CSNK2A1: variants seen among roughly 807,000 people sequenced by gnomAD.
CSNK2A1 encodes casein kinase 2 alpha 1.
A neutral mutation model predicts 62.9 loss-of-function variants in CSNK2A1; 10 were observed. The observed-to-expected ratio is 0.16, with a 90% confidence interval of 0.10 to 0.27. The LOEUF (loss-of-function observed/expected upper bound fraction) is 0.27, where lower values mean the gene tolerates loss of function less well. Among genes scored for constraint, CSNK2A1 ranks in the 10% least tolerant of loss-of-function variants. CSNK2A1 has a pLI of 1.00. For synonymous variants in CSNK2A1, 124 were observed against 167.8 expected, an observed-to-expected ratio of 0.74 and a Z score of 2.02; for missense variants, 160 against 492.0, an observed-to-expected ratio of 0.33 and a Z score of 6.38.
chr20:488,462 C>G (rs767113540), intron 11 of CSNK2A1: 13 of 475,454 alleles, frequency 2.7e-5, no homozygotes, highest in Admixed American at 1.6e-4. Context: ...CTAGCTATAA[C>G]CCCTCCATCA....
At position 478,715 on chromosome 20, in the gene CSNK2A1, C is replaced by G; in HGVS notation, c.*5246G>C. On this transcript the variant is annotated 3_prime_UTR_variant, in exon 14 of 14. Coordinates refer to ENST00000217244, the MANE Select transcript of CSNK2A1 (RefSeq NM_177559.3). ...AGGCCAAGGCGGGTAGACTGTTGAG[C>G]TCAGGAGTTCAAGACCAGCCTGGGC... 2.7e-6 allele frequency: 1 copy of G among 366,114 alleles called. No individual in the cohort carries two copies. The highest frequency in any genetic ancestry group is 5.3e-6 in the Non-Finnish European group (1 of 188,294). The allele number at this position is 366,114 out of a possible 1,614,324, so 22.7% of individuals were successfully genotyped here.
chr20:535,697 G>T (rs191882214), intron 1 of CSNK2A1, among the ~76,000 whole-genome samples: 2 of 143,972 alleles, frequency 1.4e-5, no homozygotes, highest in Non-Finnish European at 3.0e-5. Flanking sequence ...CAGAGATTGC[G>T]CCACTGCACT....
intron 8 of CSNK2A1, chr20:494,033 T>A (rs1428681320): frequency 6.6e-6 from 1 of 150,484 alleles, no homozygotes; most frequent in East Asian, 1.9e-4. Context: ...CATTTTTTTT[T>A]TTTTTTTTTT....
chr20:520,152 T>C (rs1043035832), intron 2 of CSNK2A1, among the ~76,000 whole-genome samples: 5 of 152,100 alleles, frequency 3.3e-5, no homozygotes, highest in African/African-American at 7.2e-5. Flanking sequence ...GGGAAGAAAG[T>C]TGAATTGGAA....
chr20:524,079 T>TA (rs1020762654), intron 2 of CSNK2A1, among the ~76,000 whole-genome samples: 7 of 150,936 alleles, frequency 4.6e-5, no homozygotes, highest in Admixed American at 6.6e-5. Flanking sequence ...TGTATTAATT[T>TA]AAAAAAAAAT....
At chr20:489,727 G>C (rs2122512661) in intron 10 of CSNK2A1, 53 bp downstream of exon 10, 1 of 1,435,684 alleles carries the variant, frequency 7.0e-7, no homozygotes, top group Middle Eastern at 1.8e-4. Flanking sequence ...AGGCAGTGCT[G>C]GCTATCATTG....
intron 1 of CSNK2A1, among the ~76,000 whole-genome samples, chr20:537,491 C>T (rs912246453): frequency 1.3e-5 from 2 of 148,524 alleles, no homozygotes; most frequent in Non-Finnish European, 3.0e-5. Flanking sequence ...TTGACTTCTA[C>T]ATGTGAAAAA....
At chr20:531,889 T>C (rs2019220403) in intron 1 of CSNK2A1, among the ~76,000 whole-genome samples, 1 of 152,156 alleles carries the variant, frequency 6.6e-6, no homozygotes, top group African/African-American at 2.4e-5. Context: ...AAAAGGGAAC[T>C]TTACTTCTGC....
intron 8 of CSNK2A1, among the ~76,000 whole-genome samples, chr20:493,107 G>A (rs1208425981): frequency 6.6e-6 from 1 of 152,108 alleles, no homozygotes; most frequent in Non-Finnish European, 1.5e-5. Context: ...ATTACTCCCT[G>A]CAAAAGCACC....
intron 13 of CSNK2A1, among the ~76,000 whole-genome samples, chr20:485,135 TA>T (rs2018068440): frequency 2.2e-5 from 2 of 90,524 alleles, no homozygotes; most frequent in Non-Finnish European, 4.1e-5. Flanking sequence ...TATATATATA[TA>T]TGAGAACATT....
At position 478,014 on chromosome 20, in the gene CSNK2A1, T is replaced by C. The variant is rs931539114; in HGVS notation, c.*5947A>G. 1 of 147,136 alleles carries C rather than the reference T, an allele frequency of 6.8e-6. No individual in the cohort carries two copies. The highest frequency in any genetic ancestry group is 1.5e-5 in the Non-Finnish European group (1 of 67,614). The allele number at this position is 147,136 out of a possible 1,614,324, so 9.1% of individuals were successfully genotyped here. On this transcript the variant is annotated 3_prime_UTR_variant, in exon 14 of 14. Coordinates refer to ENST00000217244, the MANE Select transcript of CSNK2A1 (RefSeq NM_177559.3). ...CTGAAATAGGCATTTGCATTTTTCCTAGGATTTTTTTTTTAAAACAGTTGG... is the reference window on the plus strand; with the variant it reads ...CTGAAATAGGCATTTGCATTTTTCCCAGGATTTTTTTTTTAAAACAGTTGG...
At chr20:485,373 G>A (rs1484043739) in intron 13 of CSNK2A1, among the ~76,000 whole-genome samples, 1 of 151,898 alleles carries the variant, frequency 6.6e-6, no homozygotes, top group Admixed American at 6.6e-5. Flanking sequence ...AGTAGAGACA[G>A]GGTTTCGCCA....
chr20:539,157 AC>A (rs2019396200), intron 1 of CSNK2A1: 1 of 152,264 alleles, frequency 6.6e-6, no homozygotes, highest in African/African-American at 2.4e-5. Flanking sequence ...TTGTGTCATA[AC>A]AAATTATCAC....
chr20:513,112 C>T (rs2018758454), intron 2 of CSNK2A1, among the ~76,000 whole-genome samples: 1 of 152,206 alleles, frequency 6.6e-6, no homozygotes. Context: ...AAATTTATTA[C>T]TTTTAATATA....
Position 499,567 on chromosome 20 carries a change from A to G in CSNK2A1, c.316-262T>C. Reference sequence around the variant, plus strand: ...GACAATGCGCCCATCGCCCATCGGCATCGGACCTGAGTTTGCAAAATGGAT... The same window carrying G: ...GACAATGCGCCCATCGCCCATCGGCGTCGGACCTGAGTTTGCAAAATGGAT... On this transcript the variant is annotated intron_variant, in intron 5 of 13. Transcript: ENST00000217244. This position sits in a 1 kb window ranked among gnomAD's most constrained non-coding sequence, Gnocchi z 4.2. 1 of 556,238 alleles carries G rather than the reference A, an allele frequency of 1.8e-6. No homozygotes were observed. 34.5% of individuals were successfully genotyped at this position (556,238 alleles called of 1,614,324 possible).
chr20:482,069 A>G lies in CSNK2A1; in HGVS notation c.*1892T>C, dbSNP rs2017966171. ...TCTAAAGTTTACCATTATATTCACTAAAGCCACCACCTTGATAAAGTTACT... is the reference window on the plus strand; with the variant it reads ...TCTAAAGTTTACCATTATATTCACTGAAGCCACCACCTTGATAAAGTTACT... On this transcript the variant is annotated 3_prime_UTR_variant, in exon 14 of 14. Coordinates refer to ENST00000217244, the MANE Select transcript of CSNK2A1 (RefSeq NM_177559.3). 6.6e-6 allele frequency: 1 copy of G among 152,200 alleles called. No homozygotes were observed. The highest frequency in any genetic ancestry group is 2.4e-5 in the African/African-American group (1 of 41,450). The allele number at this position is 152,200 out of a possible 1,614,324, so 9.4% of individuals were successfully genotyped here.
chr20:519,492 T>C (rs973440843), intron 2 of CSNK2A1, among the ~76,000 whole-genome samples: 3 of 152,206 alleles, frequency 2.0e-5, no homozygotes, highest in East Asian at 1.9e-4. Flanking sequence ...TACAGGAAGA[T>C]TGCTTGTGCC....
At chr20:520,390 C>A (rs73571004) in intron 2 of CSNK2A1, among the ~76,000 whole-genome samples, 11,020 of 152,004 alleles carry the variant, frequency 0.072, 445 homozygotes, top group South Asian at 0.13. Context: ...ATCAAGGGAA[C>A]AGAATAAAGA....
At chr20:515,775 G>A (rs1451303346) in intron 2 of CSNK2A1, among the ~76,000 whole-genome samples, 1 of 152,196 alleles carries the variant, frequency 6.6e-6, no homozygotes, top group Non-Finnish European at 1.5e-5. Context: ...ACTATTTGGT[G>A]ATCAAATTAA....
Sources: allele counts gnomAD v4.1 joint callset (sites outside exome capture counted in the v4.1 genomes callset), GRCh38; gene constraint gnomAD v4.1.1; non-coding constraint Gnocchi (gnomAD v3.1); transcripts MANE v1.5; gene names NCBI Gene and HGNC (gene_info 2026-07-23, HGNC 2026-07-21).